MDGA2: variants seen among roughly 807,000 people sequenced by gnomAD.
MDGA2 encodes the protein MAM domain containing glycosylphosphatidylinositol anchor 2, also known as MAM domain-containing glycosylphosphatidylinositol anchor protein 2.
In MDGA2, 40 loss-of-function variants were observed where a neutral mutation model predicts 117.8. The observed-to-expected ratio is 0.34, with a 90% CI of 0.26 to 0.44. The LOEUF (loss-of-function observed/expected upper bound fraction) is 0.44. MDGA2 is among the 20% of genes least tolerant of loss of function. The pLI is 1.00. For missense variants in MDGA2, 1,123 were observed against 1,250.6 expected (o/e 0.90, Z 1.54); for synonymous variants, 452 against 439.0 (o/e 1.03, Z -0.37).
intron 8 of MDGA2, among the ~76,000 whole-genome samples, chr14:47,003,108 T>C (rs900808501): frequency 6.6e-6 from 1 of 152,146 alleles, no homozygotes; most frequent in African/African-American, 2.4e-5. Flanking sequence ...CATATGTACT[T>C]TTCTAAAAAA....
intron 2 of MDGA2, among the ~76,000 whole-genome samples, chr14:47,300,664 A>T (rs1404148300): frequency 2.1e-5 from 3 of 141,172 alleles, no homozygotes; most frequent in South Asian, 2.3e-4. Context: ...TAATTTTTTA[A>T]TTTTTTTTTT....
chr14:46,922,259 T>C (rs752764371), intron 9 of MDGA2, among the ~76,000 whole-genome samples: 32 of 152,106 alleles, frequency 2.1e-4, no homozygotes, highest in Non-Finnish European at 3.5e-4. Context: ...CCTTTGAATA[T>C]GGAATGGCCT....
intron 1 of MDGA2, among the ~76,000 whole-genome samples, chr14:47,322,088 G>C (rs1184071072): frequency 6.6e-6 from 1 of 152,252 alleles, no homozygotes; most frequent in African/African-American, 2.4e-5. Context: ...GACAGAGACA[G>C]AGCGATTCCC....
At chr14:47,514,829 G>A (rs182143144) in intron 1 of MDGA2, among the ~76,000 whole-genome samples, 2 of 152,026 alleles carry the variant, frequency 1.3e-5, no homozygotes, top group East Asian at 3.9e-4. Context: ...GATTACAAGG[G>A]GGTCACATCA....
At chr14:47,173,593 A>C (rs930751103) in intron 3 of MDGA2, among the ~76,000 whole-genome samples, 5 of 152,284 alleles carry the variant, frequency 3.3e-5, no homozygotes, top group African/African-American at 1.2e-4. Flanking sequence ...ACAGACAAGC[A>C]AATGCTGACA....
intron 9 of MDGA2, among the ~76,000 whole-genome samples, chr14:46,937,777 T>C (rs2138570905): frequency 6.6e-6 from 1 of 152,290 alleles, no homozygotes; most frequent in Middle Eastern, 3.4e-3. Context: ...GACATCTATC[T>C]CTTACTCTAT....
At chr14:47,228,802 T>C (rs1886593688) in intron 2 of MDGA2, among the ~76,000 whole-genome samples, 1 of 152,160 alleles carries the variant, frequency 6.6e-6, no homozygotes, top group Admixed American at 6.6e-5. Flanking sequence ...GTCCTCTCCC[T>C]ATGGAGTCAC....
intron 1 of MDGA2, among the ~76,000 whole-genome samples, chr14:47,368,619 T>C (rs1336443739): frequency 1.3e-5 from 2 of 152,196 alleles, no homozygotes; most frequent in African/African-American, 2.4e-5. Context: ...GGATGTAAGA[T>C]ATATAACTCC....
intron 15 of MDGA2, among the ~76,000 whole-genome samples, chr14:46,851,261 A>G (rs1270539974): frequency 6.6e-6 from 1 of 151,872 alleles, no homozygotes; most frequent in Non-Finnish European, 1.5e-5. Flanking sequence ...ACCCCTGGAA[A>G]ACATTTGAAA....
At chr14:47,597,229 A>C (rs1896560063) in intron 1 of MDGA2, among the ~76,000 whole-genome samples, 1 of 152,158 alleles carries the variant, frequency 6.6e-6, no homozygotes, top group African/African-American at 2.4e-5. Context: ...AAATAAATTC[A>C]AGATTATGTA....
chr14:47,425,269 G>C (rs572036289), intron 1 of MDGA2, among the ~76,000 whole-genome samples: 1 of 152,196 alleles, frequency 6.6e-6, no homozygotes, highest in South Asian at 2.1e-4. Context: ...TTCATTTTTA[G>C]CACTATCTGG....
intron 5 of MDGA2, among the ~76,000 whole-genome samples, chr14:47,110,576 A>G (rs1254471119): frequency 6.6e-6 from 1 of 152,186 alleles, no homozygotes; most frequent in East Asian, 1.9e-4. Context: ...TCACAGTGTA[A>G]TATTTTGAAC....
chr14:47,417,585 C>G (rs1892499843), intron 1 of MDGA2, among the ~76,000 whole-genome samples: 1 of 152,208 alleles, frequency 6.6e-6, no homozygotes, highest in Non-Finnish European at 1.5e-5. Context: ...GGTCCTCTCA[C>G]AGCAATGTAG....
rs1039184977 is a variant in MDGA2 at position 46,954,884 on chromosome 14, A to T, written c.2089+2490T>A. Among the ~76,000 whole-genome samples, 29 of 152,058 alleles carry T rather than the reference A, an allele frequency of 1.9e-4. No individual in the cohort carries two copies. The East Asian group carries it at 3.5e-3, about 18-fold the overall frequency. ...GTATTCACTTTTTTCTCATTTAAAAATTATTTTCAGAAATTTTCTTTCACT... is the reference window on the plus strand; with the variant it reads ...GTATTCACTTTTTTCTCATTTAAAATTTATTTTCAGAAATTTTCTTTCACT... On this transcript the variant is annotated intron_variant, in intron 9 of 16. Coordinates refer to ENST00000399232, the MANE Select transcript of MDGA2 (RefSeq NM_001113498.3).
At chr14:47,518,444 A>G (rs1425952886) in intron 1 of MDGA2, among the ~76,000 whole-genome samples, 1 of 152,044 alleles carries the variant, frequency 6.6e-6, no homozygotes, top group Non-Finnish European at 1.5e-5. Context: ...CTGTTATAAG[A>G]TACTAATTAA....
chr14:47,319,910 A>C (rs1174033394), intron 1 of MDGA2, among the ~76,000 whole-genome samples: 1 of 152,204 alleles, frequency 6.6e-6, no homozygotes, highest in Non-Finnish European at 1.5e-5. Flanking sequence ...AGTTGAATTG[A>C]AATCTTTAGA....
intron 9 of MDGA2, among the ~76,000 whole-genome samples, chr14:46,940,380 G>A (rs2138578937): frequency 6.6e-6 from 1 of 152,192 alleles, no homozygotes; most frequent in Admixed American, 6.5e-5. Context: ...TGTAATCCCA[G>A]CACGTTGGGA....
rs576327085 is a variant in MDGA2, at chr14:47,302,815, A to G, written c.281-1265T>C. Among the ~76,000 whole-genome samples, 3 of 152,266 alleles carry G rather than the reference A, an allele frequency of 2.0e-5. No individual in the cohort carries two copies. The South Asian group carries it at 6.2e-4, about 32-fold the overall frequency. On this transcript the variant is annotated intron_variant, in intron 1 of 16. Coordinates refer to ENST00000399232, the MANE Select transcript of MDGA2 (RefSeq NM_001113498.3). ...GCACAGTCTACCCATAGAGCTTAAT[A>G]ATTGACATCAGGTTGTATTTCATTA...
At chr14:47,172,147 C>A (rs1274522110) in intron 3 of MDGA2, among the ~76,000 whole-genome samples, 5 of 152,190 alleles carry the variant, frequency 3.3e-5, no homozygotes, top group Admixed American at 1.3e-4. Context: ...AGCCAGGAAG[C>A]TCCGACTGGG....
Sources: allele counts gnomAD v4.1 joint callset (sites outside exome capture counted in the v4.1 genomes callset), GRCh38; gene constraint gnomAD v4.1.1; transcripts MANE v1.5; gene names NCBI Gene and HGNC (gene_info 2026-07-23, HGNC 2026-07-21).